GSTA5: variants seen among roughly 807,000 people sequenced by gnomAD.
GSTA5 encodes glutathione S-transferase alpha 5.
GSTA5 carries 25 observed loss-of-function variants against 21.8 expected under a neutral mutation model. That is an observed-to-expected ratio of 1.14 (90% CI 0.83 to 1.60). GSTA5 has a LOEUF of 1.60. Ranked by LOEUF, GSTA5 falls within the 40% of genes most tolerant of loss-of-function variation. GSTA5 has a pLI of 0.00. For missense variants in GSTA5, 330 were observed against 259.2 expected (o/e 1.27, Z -1.88); for synonymous variants, 102 against 89.5 (o/e 1.14, Z -0.78).
upstream of GSTA5, among the ~76,000 whole-genome samples, chr6:52,843,783 G>A (rs1270985526): frequency 6.6e-6 from 1 of 152,184 alleles, no homozygotes; most frequent in Non-Finnish European, 1.5e-5. Flanking sequence ...ATGGACTAGA[G>A]TTCACAGTGT....
At chr6:52,840,386 A>G (rs1764355346) in intron 1 of GSTA5, among the ~76,000 whole-genome samples, 1 of 152,246 alleles carries the variant, frequency 6.6e-6, no homozygotes, top group Non-Finnish European at 1.5e-5. Context: ...ACATTATCAC[A>G]CATGAAATAT....
chr6:52,841,011 C>A (rs1764367137), upstream of GSTA5, among the ~76,000 whole-genome samples: 1 of 152,110 alleles, frequency 6.6e-6, no homozygotes, highest in African/African-American at 2.4e-5. Context: ...CAGTGGCCAC[C>A]CTCAAACCAG....
chr6:52,842,194 C>T (rs186291520), upstream of GSTA5, among the ~76,000 whole-genome samples: 64 of 152,174 alleles, frequency 4.2e-4, no homozygotes, highest in South Asian at 1.2e-3. Flanking sequence ...CCAATGGCTG[C>T]AAGGACAGAT....
In GSTA5 at chr6:52,836,002, C is replaced by T. The variant is rs559180280; in HGVS notation, c.272+234G>A. Among the ~76,000 whole-genome samples the T allele has an allele frequency of 3.3e-5, 5 of 152,274 alleles. No individual in the cohort carries two copies. In the South Asian group the frequency reaches 8.3e-4, roughly 25 times the overall value. The stretch of plus-strand genomic sequence containing the variant: ...TTTATGAGTGTCTGGAAACCTCAGT[C>T]AGGTTGCAGGATCCATGGACTGCAT... On this transcript the variant is annotated intron_variant, in intron 3 of 5. Transcript: ENST00000370989.
exon 4 of GSTA5, chr6:52,834,174 T>A: frequency 3.1e-6 from 5 of 1,614,180 alleles, no homozygotes; most frequent in Non-Finnish European, 4.2e-6. Flanking sequence ...GATTTTTTAT[T>A]TTCTCTTTGA....
intron 1 of GSTA5, among the ~76,000 whole-genome samples, chr6:52,839,125 A>G (rs1764336238): frequency 6.6e-6 from 1 of 152,152 alleles, no homozygotes. Flanking sequence ...AACCTAAGGA[A>G]CGGTGGGTGG....
At chr6:52,844,758 T>C (rs1764430559), upstream of GSTA5, among the ~76,000 whole-genome samples, 1 of 152,198 alleles carries the variant, frequency 6.6e-6, no homozygotes, top group Admixed American at 6.5e-5. Flanking sequence ...AAAAAATTCA[T>C]AGTAGGAACT....
intron 5 of GSTA5, among the ~76,000 whole-genome samples, chr6:52,832,490 A>G (rs1436582059): frequency 1.9e-4 from 29 of 152,106 alleles, no homozygotes; most frequent in African/African-American, 7.0e-4. Context: ...ACCAGATGGA[A>G]AGGGCTCTGC....
intron 1 of GSTA5, among the ~76,000 whole-genome samples, chr6:52,838,212 A>G (rs965212411): frequency 6.6e-6 from 1 of 152,234 alleles, no homozygotes; most frequent in Non-Finnish European, 1.5e-5. Flanking sequence ...GTCCCACACT[A>G]ACATTATTTT....
exon 3 of GSTA5, chr6:52,836,292 A>G (rs745547782): frequency 1.2e-6 from 2 of 1,613,982 alleles, no homozygotes; most frequent in South Asian, 1.1e-5. Context: ...CAATGTAGTT[A>G]AGAATGGCTC....
exon 4 of GSTA5, chr6:52,834,151 G>A (rs754818744): frequency 9.3e-6 from 15 of 1,614,002 alleles, no homozygotes; most frequent in African/African-American, 5.3e-5. Context: ...TTTTTCAAAG[G>A]CAGGGAAGTA....
chr6:52,839,799 A>C (rs1764346633), intron 1 of GSTA5, among the ~76,000 whole-genome samples: 1 of 152,226 alleles, frequency 6.6e-6, no homozygotes, highest in Non-Finnish European at 1.5e-5. Flanking sequence ...ACCTCCAGGC[A>C]TTTCCTACTC....
upstream of GSTA5, among the ~76,000 whole-genome samples, chr6:52,843,752 G>C (rs1764416243): frequency 6.6e-6 from 1 of 152,172 alleles, no homozygotes; most frequent in Non-Finnish European, 1.5e-5. Flanking sequence ...CAAAAGTGTG[G>C]GGCGCGGTTG....
At position 52,835,684 on chromosome 6, in the gene GSTA5, G is replaced by A. The variant is rs116988172; in HGVS notation, c.272+552C>T. ...TTGTTGGTATTGAATCAATCTGGCT[G>A]TTTCAGCCTTCTATCCATGTGTCAA... On this transcript the variant is annotated intron_variant, in intron 3 of 5. Transcript: ENST00000370989. Among the ~76,000 whole-genome samples, 85 of 152,276 alleles carry A rather than the reference G, an allele frequency of 5.6e-4. 1 individual carries two copies. The East Asian group carries it at 0.016, about 29-fold the overall frequency.
At chr6:52,840,649 A>G in intron 1 of GSTA5, 78 bp downstream of exon 1, 1 of 1,267,070 alleles carries the variant, frequency 7.9e-7, no homozygotes, top group Non-Finnish European at 1.2e-6. Flanking sequence ...GTAAGTAATC[A>G]TTGCATAGTT....
rs1764217266 is a variant in GSTA5, at chr6:52,831,729, T to C, written c.*119A>G. On this transcript the variant is annotated 3_prime_UTR_variant, in exon 6 of 6. Transcript: ENST00000370989. ...AGTTATTTATTATTTAATTAGCATG[T>C]AATTGGAAAGAGTTTATTAGCTTTA... 5 of 1,181,186 alleles carry C rather than the reference T, an allele frequency of 4.2e-6. No homozygotes were observed. The Admixed American group carries it at 7.4e-5, about 17-fold the overall frequency. 73.2% of individuals were successfully genotyped at this position (1,181,186 alleles called of 1,614,324 possible). A position where few individuals can be genotyped will look rare whatever the true frequency, so the allele number is the denominator to read the frequency against.
chr6:52,843,468 T>C (rs1416805921), upstream of GSTA5, among the ~76,000 whole-genome samples: 3 of 152,232 alleles, frequency 2.0e-5, no homozygotes, highest in Non-Finnish European at 4.4e-5. Context: ...TGGTATCTCA[T>C]TGTGATTTTG....
intron 5 of GSTA5, 53 bp downstream of exon 5, chr6:52,832,806 G>T: frequency 6.2e-7 from 1 of 1,611,366 alleles, no homozygotes; most frequent in South Asian, 1.1e-5. Flanking sequence ...CCAGATATGA[G>T]ATCCCAATAT....
chr6:52,835,930 TTC>T (rs1764285624), intron 3 of GSTA5, among the ~76,000 whole-genome samples: 1 of 152,176 alleles, frequency 6.6e-6, no homozygotes, highest in African/African-American at 2.4e-5. Context: ...GCCTCTGAAG[TTC>T]TGAGTACCTG....
Sources: gnomAD v4.1 joint callset for allele counts (sites outside exome capture counted in the v4.1 genomes callset) on GRCh38, gnomAD v4.1.1 for gene constraint, MANE v1.5 for transcripts, NCBI Gene and HGNC (gene_info 2026-07-23, HGNC 2026-07-21) for gene names.